CACNA1C: variants seen among roughly 807,000 people sequenced by gnomAD.
CACNA1C encodes the protein calcium voltage-gated channel subunit alpha1 C, also known as voltage-dependent L-type calcium channel subunit alpha-1C.
Under a neutral mutation model 229.0 loss-of-function variants are expected in CACNA1C, and 30 were observed. The ratio of observed to expected loss-of-function variants is 0.13; its 90% CI spans 0.10 to 0.18. The LOEUF is 0.18. Among genes scored for constraint, CACNA1C ranks in the 10% least tolerant of loss-of-function variants. The probability of loss-of-function intolerance (pLI) is 1.00; values close to 1 mark genes in which losing one functional copy is unlikely to be tolerated. For missense variants in CACNA1C, 1,658 were observed against 2,845.0 expected, an observed-to-expected ratio of 0.58 and a Z score of 9.49; for synonymous variants, 1,114 against 1,132.5, an observed-to-expected ratio of 0.98 and a Z score of 0.33.
chr12:2,211,714 CT>C (rs5795996), intron 3 of CACNA1C, among the ~76,000 whole-genome samples: 12,474 of 115,402 alleles, frequency 0.11, 769 homozygotes, highest in African/African-American at 0.31. Context: ...CTTTCTGCTG[CT>C]TTTTTTTTTT....
intron 9 of CACNA1C, among the ~76,000 whole-genome samples, chr12:2,517,600 T>C (rs1410918575): frequency 6.6e-6 from 1 of 152,202 alleles, no homozygotes; most frequent in Non-Finnish European, 1.5e-5. Context: ...CCCTTTTCTC[T>C]CTGGGTAAAG....
intron 14 of CACNA1C, 35 bp from the exon 15 acceptor site, chr12:2,582,787 G>A (rs1406184889): frequency 1.2e-6 from 2 of 1,611,982 alleles, no homozygotes; most frequent in Non-Finnish European, 1.7e-6. Context: ...TTGGTCTAAC[G>A]CTGTGTCCCT....
At chr12:2,495,290 G>A (rs1033525228) in intron 7 of CACNA1C, among the ~76,000 whole-genome samples, 1 of 152,178 alleles carries the variant, frequency 6.6e-6, no homozygotes, top group Admixed American at 6.5e-5. Context: ...ACCAGCCAAG[G>A]ACAGAAACAT....
At chr12:2,503,722 G>A (rs776109567) in intron 7 of CACNA1C, among the ~76,000 whole-genome samples, 2 of 152,202 alleles carry the variant, frequency 1.3e-5, no homozygotes, top group Admixed American at 6.5e-5. Context: ...TCTGGCTGCC[G>A]TAGGGGTTTG....
intron 3 of CACNA1C, among the ~76,000 whole-genome samples, chr12:2,180,600 A>T (rs543025406): frequency 6.6e-6 from 1 of 152,160 alleles, no homozygotes; most frequent in Non-Finnish European, 1.5e-5. Flanking sequence ...CAGTTCCCAG[A>T]TGTAATGCTG....
At chr12:2,587,018 C>G (rs2062762186) in intron 18 of CACNA1C, among the ~76,000 whole-genome samples, 2 of 152,146 alleles carry the variant, frequency 1.3e-5, no homozygotes, top group South Asian at 4.1e-4. Context: ...CCTGAAGCAA[C>G]AAATACACTT....
At chr12:2,409,083 G>T (rs894631727) in intron 3 of CACNA1C, among the ~76,000 whole-genome samples, 1 of 152,130 alleles carries the variant, frequency 6.6e-6, no homozygotes, top group African/African-American at 2.4e-5. Context: ...TCTTCAGCTC[G>T]TGGCTCTGTT....
intron 8 of CACNA1C, among the ~76,000 whole-genome samples, chr12:2,506,868 G>A (rs1229326907): frequency 3.9e-5 from 6 of 152,154 alleles, no homozygotes; most frequent in Admixed American, 3.9e-4. Context: ...CCCCCACCAA[G>A]AGCCTGAAGT....
At chr12:2,682,160 A>G in intron 42 of CACNA1C, 1 of 687,766 alleles carries the variant, frequency 1.5e-6, no homozygotes, top group Non-Finnish European at 2.5e-6. Context: ...AATGCCAAAG[A>G]CCCAGGTGTC....
chr12:2,405,091 GA>G (rs1200765502), intron 3 of CACNA1C, among the ~76,000 whole-genome samples: 19 of 152,200 alleles, frequency 1.2e-4, no homozygotes, highest in Non-Finnish European at 2.9e-5. Flanking sequence ...GGGATATCTG[GA>G]AAGAATACGG....
intron 1 of CACNA1C, among the ~76,000 whole-genome samples, chr12:2,023,383 A>G (rs2046793359): frequency 1.3e-5 from 2 of 152,052 alleles, no homozygotes; most frequent in South Asian, 4.1e-4. Flanking sequence ...ATGCTTTTAC[A>G]TTTTTGGCTT....
intron 3 of CACNA1C, among the ~76,000 whole-genome samples, chr12:2,367,900 G>A (rs1221563078): frequency 2.0e-5 from 3 of 151,824 alleles, no homozygotes; most frequent in Non-Finnish European, 4.4e-5. Flanking sequence ...AATAAAATTA[G>A]CATTATCTTG....
At chr12:2,127,661 G>A (rs1232377778) in intron 3 of CACNA1C, among the ~76,000 whole-genome samples, 1 of 152,158 alleles carries the variant, frequency 6.6e-6, no homozygotes, top group Non-Finnish European at 1.5e-5. Flanking sequence ...CAGCGCATTG[G>A]GAAAGTGCTT....
intron 5 of CACNA1C, among the ~76,000 whole-genome samples, chr12:2,485,726 G>T (rs2099694967): frequency 6.6e-6 from 1 of 152,122 alleles, no homozygotes; most frequent in African/African-American, 2.4e-5. Flanking sequence ...GTCCCTGCAG[G>T]GCCGTCTTGA....
chr12:2,496,559 G>A (rs902710127), intron 7 of CACNA1C, among the ~76,000 whole-genome samples: 1 of 152,234 alleles, frequency 6.6e-6, no homozygotes, highest in African/African-American at 2.4e-5. Context: ...GCTTCCAGTT[G>A]TGGATGATAC....
rs114091955 is a variant in CACNA1C, at chr12:2,253,756, A to G, written c.477+133326A>G. Among the ~76,000 whole-genome samples, 905 of 152,320 alleles carry G rather than the reference A, an allele frequency of 5.9e-3. 8 individuals are homozygous for G. The highest frequency in any genetic ancestry group is 0.021 in the African/African-American group (867 of 41,576). ...CACTGGTAACCTACATTGTTTAAGT[A>G]GCGCTTACCACTATTCATTCTGATG... On this transcript the variant is annotated intron_variant, in intron 3 of 46. Coordinates refer to ENST00000399655, the MANE Select transcript of CACNA1C (RefSeq NM_000719.7).
At chr12:2,582,234 G>T (rs886614467) in intron 14 of CACNA1C, among the ~76,000 whole-genome samples, 1 of 152,056 alleles carries the variant, frequency 6.6e-6, no homozygotes, top group Admixed American at 6.6e-5. Flanking sequence ...TGCTCTTACT[G>T]GGGGAGGGGA....
intron 5 of CACNA1C, among the ~76,000 whole-genome samples, chr12:2,458,018 C>T (rs775948896): frequency 5.3e-5 from 8 of 152,222 alleles, no homozygotes; most frequent in Non-Finnish European, 1.2e-4. Flanking sequence ...GATTTAAATA[C>T]ATTTTGTAGC....
intron 3 of CACNA1C, among the ~76,000 whole-genome samples, chr12:2,303,322 G>T (rs367670124): frequency 2.2e-4 from 34 of 152,186 alleles, no homozygotes; most frequent in African/African-American, 8.0e-4. Context: ...TCAAGGTGGT[G>T]CAGGGTTGCC....
Sources: gnomAD v4.1 joint callset for allele counts (sites outside exome capture counted in the v4.1 genomes callset) on GRCh38, gnomAD v4.1.1 for gene constraint, MANE v1.5 for transcripts, NCBI Gene and HGNC (gene_info 2026-07-23, HGNC 2026-07-21) for gene names.